Variants in COL27A1 observed in about 807,000 individuals in gnomAD.
The protein encoded by COL27A1 is collagen type XXVII alpha 1 chain, also known as collagen alpha-1(XXVII) chain.
COL27A1 carries 106 observed loss-of-function variants against 251.3 expected under a neutral mutation model. The observed-to-expected ratio is 0.42, with a 90% CI of 0.36 to 0.50. COL27A1 has a LOEUF of 0.50. Among genes scored for constraint, COL27A1 ranks in the 20% least tolerant of loss-of-function variants. COL27A1 has a pLI of 0.00. For missense variants in COL27A1, 2,325 were observed against 2,522.8 expected (o/e 0.92, Z 1.68); for synonymous variants, 1,000 against 986.3 (o/e 1.01, Z -0.26).
intron 10 of COL27A1, among the ~76,000 whole-genome samples, chr9:114,206,994 T>C (rs1830010825): frequency 6.6e-6 from 1 of 152,180 alleles, no homozygotes; most frequent in East Asian, 1.9e-4. Context: ...GCTGATGTGG[T>C]GGAATCGTTT....
chr9:114,252,623 G>T lies in COL27A1; in HGVS notation c.3064G>T (p.Val1022Leu), dbSNP rs141446597. The T allele has an allele frequency of 1.9e-6, 3 of 1,613,750 alleles. No individual in the cohort carries two copies. Among genetic ancestry groups the T allele is most frequent in the Non-Finnish European group, 2.5e-6 (3 of 1,179,928 alleles). The change falls in exon 26 of 61, where the codon GTG (valine) becomes TTG (leucine). Residue 1022 changes from valine to leucine, a missense_variant. Physicochemically the swap from Val to Leu is conservative, Grantham distance 32. Around this residue, in one of 4 missense-constraint regions of COL27A1, gnomAD observed 662 missense variants for 795.3 expected, o/e 0.83. Coordinates refer to ENST00000356083, the MANE Select transcript of COL27A1 (RefSeq NM_032888.4). ...GDRGMMGPPG[V>L]PGPKGSMGHP... ...TCGTGGCATGATGGGACCCCCAGGC[G>T]TGCCTGGACCCAAGGGGTCGATGGT...
intron 40 of COL27A1, among the ~76,000 whole-genome samples, chr9:114,284,143 C>G (rs1836108370): frequency 2.0e-5 from 3 of 152,196 alleles, no homozygotes; most frequent in Admixed American, 1.3e-4. Flanking sequence ...AACCAGGGCT[C>G]AGAGAGATAT....
chr9:114,244,464 A>G (rs1388566401), intron 23 of COL27A1, among the ~76,000 whole-genome samples: 3 of 152,236 alleles, frequency 2.0e-5, no homozygotes, highest in African/African-American at 7.2e-5. Flanking sequence ...GCCTCACTTA[A>G]TAGTTTCCCA....
intron 57 of COL27A1, 79 bp from the exon 58 acceptor site, chr9:114,306,441 A>T: frequency 1.4e-6 from 2 of 1,446,316 alleles, no homozygotes; most frequent in African/African-American, 2.8e-5. Flanking sequence ...AGGTTGTGAG[A>T]ACTGGGGGCT....
chr9:114,256,138 C>T (rs1833904231), intron 27 of COL27A1, among the ~76,000 whole-genome samples: 1 of 152,202 alleles, frequency 6.6e-6, no homozygotes, highest in Non-Finnish European at 1.5e-5. Context: ...TGGCATTTTC[C>T]CACTTTATCA....
intron 7 of COL27A1, 99 bp downstream of exon 7, chr9:114,196,111 C>T: frequency 9.8e-7 from 1 of 1,016,928 alleles, no homozygotes. Flanking sequence ...TCTCCCCAGC[C>T]CCAGCCCAGC....
chr9:114,168,534 CT>C lies in COL27A1; in HGVS notation c.980del (p.Leu327ArgfsTer131). 1 of 1,614,062 alleles carries C rather than the reference CT, an allele frequency of 6.2e-7. No individual in the cohort carries two copies. Among genetic ancestry groups the C allele is most frequent in the Non-Finnish European group, 8.5e-7 (1 of 1,179,926 alleles). ...PAQTPLLPAK[L>X]SASNALDPML... is the part of the protein sequence containing the mutation. Reference sequence around the variant, plus strand: ...CCAAACCCCGCTGCTACCTGCCAAGCTGTCAGCCAGTAACGCACTTGATCCC... The same window carrying C: ...CCAAACCCCGCTGCTACCTGCCAAGCGTCAGCCAGTAACGCACTTGATCCC... On this transcript the variant is annotated frameshift_variant, in exon 3 of 61. Transcript: ENST00000356083. LOFTEE classifies it high-confidence loss of function.
intron 35 of COL27A1, among the ~76,000 whole-genome samples, chr9:114,270,436 C>T (rs1224698033): frequency 1.3e-5 from 2 of 152,206 alleles, no homozygotes; most frequent in Admixed American, 6.5e-5. Flanking sequence ...CTTCTAAATT[C>T]GTGACCTCAT....
chr9:114,251,973 A>T (rs1451350720), intron 25 of COL27A1, among the ~76,000 whole-genome samples: 1 of 152,246 alleles, frequency 6.6e-6, no homozygotes, highest in Non-Finnish European at 1.5e-5. Context: ...AGTGTCAGAC[A>T]CATAGTAGGT....
Position 114,194,604 on chromosome 9 carries a change from G to C in COL27A1, c.2070+147G>C, listed in dbSNP as rs1165563463. The C allele has an allele frequency of 4.1e-6, 3 of 725,292 alleles. No individual in the cohort carries two copies. The African/African-American group carries it at 5.4e-5, about 13-fold the overall frequency. The allele number at this position is 725,292 out of a possible 1,614,324, so 44.9% of individuals were successfully genotyped here. On this transcript the variant is annotated intron_variant, in intron 6 of 60. Transcript: ENST00000356083. ...ATCTGGAAGGGTTAGGGTATGGTTTGGTTTTTTCCTTGAAGTCCTTTAGCC... is the reference window on the plus strand; with the variant it reads ...ATCTGGAAGGGTTAGGGTATGGTTTCGTTTTTTCCTTGAAGTCCTTTAGCC...
chr9:114,218,378 C>T (rs1830853815), intron 12 of COL27A1: 1 of 156,048 alleles, frequency 6.4e-6, no homozygotes, highest in Non-Finnish European at 1.4e-5. Flanking sequence ...TGAGCAGCTT[C>T]TACATACCAG....
In COL27A1 at chr9:114,265,130, G is replaced by T; in HGVS notation, c.3339+20G>T. On this transcript the variant is annotated intron_variant, in intron 31 of 60. Transcript: ENST00000356083. ...TTTCCTGTAAGTAGCACCAGTTCTT[G>T]AAATTCTCTACATGGGGCTTTTGAT... The T allele has an allele frequency of 7.9e-7, 1 of 1,265,822 alleles. No individual in the cohort carries two copies. Among genetic ancestry groups the T allele is most frequent in the Non-Finnish European group, 1.1e-6 (1 of 925,610 alleles). 78.4% of individuals were successfully genotyped at this position (1,265,822 alleles called of 1,614,324 possible).
At chr9:114,301,222 C>T in intron 52 of COL27A1, 62 bp from the exon 53 acceptor site, 1 of 1,610,398 alleles carries the variant, frequency 6.2e-7, no homozygotes, top group Non-Finnish European at 8.5e-7. Context: ...GCCTCAGTTT[C>T]CTCATCTGGA....
Position 114,309,290 on chromosome 9 carries a change from A to G in COL27A1, c.5248A>G (p.Asn1750Asp), listed in dbSNP as rs760145162. 7 of 1,614,008 alleles carry G rather than the reference A, an allele frequency of 4.3e-6. No homozygotes were observed. The African/African-American group carries it at 8.0e-5, about 18-fold the overall frequency. ...GTTTGCCATCAGCCGGGTCCAGATG[A>G]ATTTCCTGCACCTGCTAAGCTCCGA... is the stretch of plus-strand genomic sequence containing the variant. ...VEFAISRVQM[N>D]FLHLLSSEVT... The change falls in exon 60 of 61, where the codon AAT becomes GAT. Residue 1750 changes from asparagine (N) to aspartate (D), a missense_variant. By Grantham distance (23) the Asn-to-Asp change is conservative. Coordinates refer to ENST00000356083, the MANE Select transcript of COL27A1 (RefSeq NM_032888.4).
chr9:114,266,461 G>T, intron 32 of COL27A1, 104 bp from the exon 33 acceptor site: 3 of 900,404 alleles, frequency 3.3e-6, no homozygotes, highest in Non-Finnish European at 5.3e-6. Context: ...GTGTGCTTCA[G>T]AGTCCCCAGT....
chr9:114,158,958 A>G (rs1255199981), intron 1 of COL27A1, among the ~76,000 whole-genome samples: 1 of 152,250 alleles, frequency 6.6e-6, no homozygotes, highest in Non-Finnish European at 1.5e-5. Context: ...GGCCTCAGTT[A>G]CGCATCTTTT....
At chr9:114,202,599 G>A (rs112613844) in intron 7 of COL27A1, among the ~76,000 whole-genome samples, 2 of 152,138 alleles carry the variant, frequency 1.3e-5, no homozygotes, top group African/African-American at 4.8e-5. Flanking sequence ...TCATATCACC[G>A]CCAGCATGCT....
At chr9:114,222,103 G>T in intron 13 of COL27A1, 120 bp from the exon 14 acceptor site, 1 of 835,730 alleles carries the variant, frequency 1.2e-6, no homozygotes, top group South Asian at 1.5e-5. Flanking sequence ...CTGTGGTCAG[G>T]AATAAGGAGT....
chr9:114,198,513 G>C (rs1588639936), intron 7 of COL27A1, among the ~76,000 whole-genome samples: 1 of 152,242 alleles, frequency 6.6e-6, no homozygotes. Flanking sequence ...AGGCCTCCAG[G>C]TGTTTCCCAC....
Sources: allele counts gnomAD v4.1 joint callset (sites outside exome capture counted in the v4.1 genomes callset), GRCh38; gene constraint gnomAD v4.1.1; regional missense constraint gnomAD v4.1.1; transcripts MANE v1.5; gene names NCBI Gene and HGNC (gene_info 2026-07-23, HGNC 2026-07-21).